The following NUP62CL variants were observed in gnomAD, a reference collection of about 807,000 sequenced individuals.
NUP62CL encodes the protein nucleoporin 62 C-terminal like.
A neutral mutation model predicts 15.3 loss-of-function variants in NUP62CL; 13 were observed. The observed-to-expected ratio is 0.85, with a 90% CI of 0.55 to 1.35. The LOEUF is 1.35. Among genes scored for constraint, NUP62CL ranks in the 40% most tolerant of loss-of-function variants. NUP62CL has a pLI of 0.00. For missense variants in NUP62CL, 123 were observed against 130.6 expected, an observed-to-expected ratio of 0.94 and a Z score of 0.28; for synonymous variants, 54 against 49.2, an observed-to-expected ratio of 1.10 and a Z score of -0.41.
At chrX:107,155,555 T>A (rs1451346491) in intron 4 of NUP62CL, among the ~76,000 whole-genome samples, 1 of 111,862 alleles carries the variant, frequency 8.9e-6, no homozygotes, top group Non-Finnish European at 1.9e-5. Context: ...ATACCACCCA[T>A]CTGCCTTGAG....
Position 107,167,678 on chromosome X carries a change from T to C in NUP62CL, c.165A>G (p.Glu55=). 1 of 1,208,616 alleles carries C rather than the reference T, an allele frequency of 8.3e-7. No homozygotes were observed. Among genetic ancestry groups the C allele is most frequent in the Non-Finnish European group, 1.1e-6 (1 of 893,300 alleles). The part of the protein sequence containing the change: ...NQNQLLSRGF[E]NLVPYTSTVS... ...CAGTTGAAGTATAAGGTACAAGGTTTTCAAACCCTCTTGATAACAGTTGGT... is the reference window on the plus strand; with the variant it reads ...CAGTTGAAGTATAAGGTACAAGGTTCTCAAACCCTCTTGATAACAGTTGGT... The change falls in exon 4 of 9, where the codon GAA becomes GAG. Residue 55 remains glutamate, a synonymous_variant. Coordinates refer to ENST00000372466, the MANE Select transcript of NUP62CL (RefSeq NM_017681.3).
chrX:107,132,166 G>A, intron 8 of NUP62CL: 1 of 1,141,399 alleles, frequency 8.8e-7, no homozygotes, highest in Non-Finnish European at 1.2e-6. Context: ...CCTGAGTTGT[G>A]AACAGGAGAA....
chrX:107,162,025 C>T (rs1200211605), intron 4 of NUP62CL, among the ~76,000 whole-genome samples: 1 of 108,847 alleles, frequency 9.2e-6, no homozygotes, highest in African/African-American at 3.3e-5. Context: ...AAAATCTCAG[C>T]AAAGAAATAG....
chrX:107,181,270 G>A (rs996994429), intron 2 of NUP62CL, among the ~76,000 whole-genome samples: 9 of 109,480 alleles, frequency 8.2e-5, no homozygotes, highest in Non-Finnish European at 1.7e-4. Context: ...AATCTTTTTA[G>A]GCAAAATTCA....
chrX:107,199,918 T>C (rs887054521), intron 1 of NUP62CL, among the ~76,000 whole-genome samples: 1 of 111,951 alleles, frequency 8.9e-6, no homozygotes, highest in Non-Finnish European at 1.9e-5. Flanking sequence ...GTAATGACCC[T>C]ATTTGTCAGT....
Position 107,152,155 on chromosome X carries a change from TATATATATATATTCAG to T in NUP62CL, c.530+1001_530+1016del, listed in dbSNP as rs1372467466. On this transcript the variant is annotated intron_variant, in intron 7 of 8. Coordinates refer to ENST00000372466, the MANE Select transcript of NUP62CL (RefSeq NM_017681.3). ...ATTCAGATATATATATATTCAGATA[TATATATATATATTCAG>T]ATATATATATATTCAGATATATATA... Among the ~76,000 whole-genome samples the T allele has an allele frequency of 1.7e-3, 117 of 68,699 alleles. 1 individual carries two copies. Among genetic ancestry groups the T allele is most frequent in the Non-Finnish European group, 2.2e-3 (85 of 39,187 alleles). The allele number at this position is 68,699 out of a possible 115,157, so 59.7% of individuals were successfully genotyped here.
At chrX:107,174,961 T>A (rs1249653223) in intron 3 of NUP62CL, 128 bp downstream of exon 3, 9 of 545,096 alleles carry the variant, frequency 1.7e-5, no homozygotes, top group African/African-American at 4.7e-5. Flanking sequence ...ACTATTGATA[T>A]CAGCAATTAT....
At chrX:107,188,730 CA>C (rs954679072) in intron 2 of NUP62CL, among the ~76,000 whole-genome samples, 4 of 109,905 alleles carry the variant, frequency 3.6e-5, no homozygotes, top group African/African-American at 6.6e-5. Context: ...AAGAAATTTA[CA>C]AAAAAAACTC....
chrX:107,170,124 G>C (rs756503989), intron 3 of NUP62CL, among the ~76,000 whole-genome samples: 1 of 105,285 alleles, frequency 9.5e-6, no homozygotes, highest in Non-Finnish European at 1.9e-5. Context: ...GCGACAGAGC[G>C]AGATTCTGTC....
Position 107,138,105 on chromosome X carries a change from T to C in NUP62CL, c.*42+9638A>G, listed in dbSNP as rs990214658. Among the ~76,000 whole-genome samples the C allele has an allele frequency of 9.9e-5, 11 of 111,585 alleles. 1 individual carries two copies. The highest frequency in any genetic ancestry group is 2.9e-4 in the African/African-American group (9 of 30,737). ...TTTTCAAAAATGGTGCTGGAACAAC[T>C]GGATATTTGTAGGAAAAAAAAGAAG... is the stretch of plus-strand genomic sequence containing the variant. On this transcript the variant is annotated intron_variant, in intron 8 of 8. Transcript: ENST00000372466.
At chrX:107,189,408 A>G (rs754586819) in intron 2 of NUP62CL, among the ~76,000 whole-genome samples, 6 of 111,278 alleles carry the variant, frequency 5.4e-5, no homozygotes, top group Non-Finnish European at 1.9e-5. Flanking sequence ...AAAAAATACA[A>G]ATATCCATTC....
intron 8 of NUP62CL, among the ~76,000 whole-genome samples, chrX:107,135,710 T>A (rs1266210332): frequency 9.0e-6 from 1 of 111,558 alleles, no homozygotes; most frequent in African/African-American, 3.3e-5. Flanking sequence ...AATAAATAAA[T>A]AAATAAATAA....
intron 2 of NUP62CL, among the ~76,000 whole-genome samples, chrX:107,183,963 C>CG (rs1333215224): frequency 9.1e-6 from 1 of 110,071 alleles, no homozygotes; most frequent in Non-Finnish European, 1.9e-5. Flanking sequence ...GAAACCATGT[C>CG]GGGGGCAGGA....
intron 8 of NUP62CL, among the ~76,000 whole-genome samples, chrX:107,125,714 C>T (rs1273213164): frequency 9.0e-6 from 1 of 111,635 alleles, no homozygotes; most frequent in Non-Finnish European, 1.9e-5. Flanking sequence ...CAGATGAGCA[C>T]TACAACAAAC....
intron 2 of NUP62CL, among the ~76,000 whole-genome samples, chrX:107,182,716 A>C (rs1926948551): frequency 9.0e-6 from 1 of 111,444 alleles, no homozygotes; most frequent in Non-Finnish European, 1.9e-5. Flanking sequence ...ACTTCAATTA[A>C]TAGAGAAAGG....
chrX:107,137,973 C>A (rs1346496729), intron 8 of NUP62CL, among the ~76,000 whole-genome samples: 1 of 111,061 alleles, frequency 9.0e-6, no homozygotes, highest in Non-Finnish European at 1.9e-5. Context: ...ACACATAGAC[C>A]CATAGTATAG....
intron 3 of NUP62CL, among the ~76,000 whole-genome samples, chrX:107,168,515 T>C (rs1161995244): frequency 8.9e-6 from 1 of 112,004 alleles, no homozygotes; most frequent in East Asian, 2.8e-4. Context: ...AAATTCTTTG[T>C]TCCCCATATT....
At chrX:107,198,489 A>G (rs1927407474) in intron 1 of NUP62CL, among the ~76,000 whole-genome samples, 1 of 111,999 alleles carries the variant, frequency 8.9e-6, no homozygotes, top group Non-Finnish European at 1.9e-5. Context: ...GGGTCCACAC[A>G]GCCTTTATGA....
intron 7 of NUP62CL, among the ~76,000 whole-genome samples, chrX:107,152,081 T>TATATATATATATATATATATATTCAGA (rs1926037727): frequency 5.7e-5 from 4 of 70,744 alleles, no homozygotes; most frequent in Non-Finnish European, 9.5e-5. Context: ...TATATTCAGA[T>TATATATATATATATATATATATTCAGA]ATATATATAT....
Sources: gnomAD v4.1 joint callset for allele counts (sites outside exome capture counted in the v4.1 genomes callset) on GRCh38, gnomAD v4.1.1 for gene constraint, MANE v1.5 for transcripts, NCBI Gene and HGNC (gene_info 2026-07-23, HGNC 2026-07-21) for gene names.